PKP4: variants seen among roughly 807,000 people sequenced by gnomAD.
PKP4 encodes plakophilin 4.
PKP4 carries 90 observed loss-of-function variants against 145.1 expected under a neutral mutation model. The observed-to-expected ratio is 0.62, with a 90% CI of 0.52 to 0.74. PKP4 has a LOEUF of 0.74. Among genes scored for constraint, PKP4 ranks in the 30% least tolerant of loss-of-function variants. The pLI, the probability that PKP4 is intolerant of heterozygous loss-of-function variation, is 0.00. For missense variants in PKP4, 1,340 were observed against 1,482.7 expected (o/e 0.90, Z 1.58); for synonymous variants, 563 against 577.2 (o/e 0.98, Z 0.35).
chr2:158,678,779 T>C (rs563073256), intron 21 of PKP4, 125 bp downstream of exon 21: 36 of 726,018 alleles, frequency 5.0e-5, no homozygotes, highest in African/African-American at 3.2e-4. Flanking sequence ...CCTGGGGATC[T>C]TCACTCCTTG....
chr2:158,558,304 C>T (rs1467606195), intron 2 of PKP4, among the ~76,000 whole-genome samples: 1 of 152,004 alleles, frequency 6.6e-6, no homozygotes, highest in Non-Finnish European at 1.5e-5. Context: ...GAGGGACTCA[C>T]CCAGGGAAAA....
intron 7 of PKP4, among the ~76,000 whole-genome samples, chr2:158,630,932 T>TTGTTTGTG (rs2053291732): frequency 6.6e-6 from 1 of 151,688 alleles, no homozygotes; most frequent in South Asian, 2.1e-4. Flanking sequence ...GTGTTTTTGT[T>TTGTTTGTG]TGTTTGTTTG....
chr2:158,492,748 G>A (rs913471036), intron 1 of PKP4, among the ~76,000 whole-genome samples: 4 of 151,948 alleles, frequency 2.6e-5, no homozygotes, highest in African/African-American at 7.3e-5. Flanking sequence ...TTCCTCCTGC[G>A]TACCTTTTAA....
chr2:158,540,328 AT>A (rs2044406671), intron 2 of PKP4, among the ~76,000 whole-genome samples: 1 of 152,206 alleles, frequency 6.6e-6, no homozygotes, highest in Admixed American at 6.5e-5. Flanking sequence ...ACATTCAAAC[AT>A]GGAAAACATA....
At chr2:158,656,725 C>T (rs1473035515) in intron 11 of PKP4, among the ~76,000 whole-genome samples, 1 of 152,198 alleles carries the variant, frequency 6.6e-6, no homozygotes, top group Non-Finnish European at 1.5e-5. Flanking sequence ...AGCACATGGA[C>T]AGGCCTGGGA....
Position 158,666,475 on chromosome 2 carries a change from T to C in PKP4, c.2640T>C (p.Leu880=). 1 of 1,613,416 alleles carries C rather than the reference T, an allele frequency of 6.2e-7. No homozygotes were observed. The highest frequency in any genetic ancestry group is 2.2e-5 in the East Asian group (1 of 44,826). The part of the protein sequence containing the change: ...KEKGLPILVE[L]LRMDNDRVVS... ...AGGGGCTCCCCATCCTTGTGGAGCT[T>C]CTGAGAATGGATAACGATAGAGTTG... is the stretch of plus-strand genomic sequence containing the variant. Residue 880 remains leucine, a synonymous_variant, in exon 16 of 22, where the codon CTT becomes CTC. Transcript: ENST00000389759.
intron 11 of PKP4, among the ~76,000 whole-genome samples, chr2:158,647,297 T>TAG (rs921326854): frequency 6.6e-6 from 1 of 152,234 alleles, no homozygotes; most frequent in Non-Finnish European, 1.5e-5. Flanking sequence ...CATGAGATGT[T>TAG]AAAATACAGT....
chr2:158,462,060 G>C (rs546666655), intron 1 of PKP4, among the ~76,000 whole-genome samples: 1 of 152,188 alleles, frequency 6.6e-6, no homozygotes, highest in African/African-American at 2.4e-5. Context: ...TTGGGGCCTG[G>C]CCCGAAACTT....
At chr2:158,560,865 A>G (rs959302096) in intron 2 of PKP4, among the ~76,000 whole-genome samples, 23 of 152,330 alleles carry the variant, frequency 1.5e-4, no homozygotes, top group African/African-American at 5.5e-4. Flanking sequence ...AGTAAGTGAC[A>G]GAGCCTAGCG....
At chr2:158,519,324 A>T (rs2042165860) in intron 1 of PKP4, among the ~76,000 whole-genome samples, 1 of 152,176 alleles carries the variant, frequency 6.6e-6, no homozygotes, top group African/African-American at 2.4e-5. Context: ...CAGTTTTAAC[A>T]CTAAGGATAT....
At chr2:158,572,544 G>A (rs200153601) in intron 2 of PKP4, among the ~76,000 whole-genome samples, 2 of 152,148 alleles carry the variant, frequency 1.3e-5, no homozygotes, top group East Asian at 1.9e-4. Context: ...ACAGGCATTT[G>A]AGGACAGCCT....
At chr2:158,675,284 T>C (rs1297487175) in intron 19 of PKP4, among the ~76,000 whole-genome samples, 1 of 151,900 alleles carries the variant, frequency 6.6e-6, no homozygotes, top group African/African-American at 2.4e-5. Context: ...CACAAATTTG[T>C]AAATTTTCTT....
chr2:158,518,949 T>C (rs1350587003), intron 1 of PKP4, among the ~76,000 whole-genome samples: 1 of 152,194 alleles, frequency 6.6e-6, no homozygotes, highest in East Asian at 1.9e-4. Context: ...TTGGTCCAGA[T>C]GTAGCTTGTT....
Position 158,604,183 on chromosome 2 carries a change from A to C in PKP4, c.280+1079A>C, listed in dbSNP as rs1359118015. On this transcript the variant is annotated intron_variant, in intron 4 of 21. Transcript: ENST00000389759. ...GGACAGCCCACATCTGAGATGGCAG[A>C]GGAGATGGTCCTGCAGCCTTGGGCT... 3.9e-5 allele frequency among the ~76,000 whole-genome samples: 6 copies of C among 152,216 alleles called. No homozygotes were observed. The East Asian group carries it at 1.2e-3, about 29-fold the overall frequency.
At chr2:158,544,857 C>T (rs990362905) in intron 2 of PKP4, among the ~76,000 whole-genome samples, 1 of 152,132 alleles carries the variant, frequency 6.6e-6, no homozygotes, top group African/African-American at 2.4e-5. Context: ...GGAAACAGAG[C>T]AGTAGCCATG....
chr2:158,485,942 T>C (rs1694103889), intron 1 of PKP4, among the ~76,000 whole-genome samples: 1 of 152,316 alleles, frequency 6.6e-6, no homozygotes, highest in South Asian at 2.1e-4. Context: ...GAAAACCTTT[T>C]AAATAGCAGT....
At chr2:158,627,689 A>G (rs1010714984) in intron 7 of PKP4, among the ~76,000 whole-genome samples, 8 of 148,934 alleles carry the variant, frequency 5.4e-5, no homozygotes, top group Non-Finnish European at 8.9e-5. Flanking sequence ...ATTTCAGAAT[A>G]ATCATGGCAT....
In PKP4 at chr2:158,533,313, G is replaced by A. The variant is rs1559286368; in HGVS notation, c.129G>A (p.Glu43=). ...CCACTATTCTAGCATCCGTGAAGGA[G>A]CAGGTACATCCTCGTATTGAAAGTT... The part of the protein sequence containing the change: ...TATTILASVK[E]QELQFQRLTR... Residue 43 remains glutamate (E), a synonymous_variant, in exon 2 of 22, where the codon GAG becomes GAA. Transcript: ENST00000389759. The A allele has an allele frequency of 6.2e-7, 1 of 1,614,144 alleles. No homozygotes were observed. The highest frequency in any genetic ancestry group is 1.1e-5 in the South Asian group (1 of 91,070).
intron 1 of PKP4, among the ~76,000 whole-genome samples, chr2:158,469,376 C>T (rs889162123): frequency 1.3e-5 from 2 of 152,150 alleles, no homozygotes; most frequent in Non-Finnish European, 2.9e-5. Flanking sequence ...AGGCGTGAAC[C>T]ACCACACCCG....
Sources: gnomAD v4.1 joint callset for allele counts (sites outside exome capture counted in the v4.1 genomes callset) on GRCh38, gnomAD v4.1.1 for gene constraint, MANE v1.5 for transcripts, NCBI Gene and HGNC (gene_info 2026-07-23, HGNC 2026-07-21) for gene names.